PRKN: variants seen among roughly 807,000 people sequenced by gnomAD.
PRKN encodes the protein E3 ubiquitin-protein ligase parkin.
Under a neutral mutation model 59.5 loss-of-function variants are expected in PRKN, and 56 were observed. The ratio of observed to expected loss-of-function variants is 0.94; its 90% CI spans 0.76 to 1.18. The LOEUF is 1.18. Ranked by LOEUF, PRKN falls within the 50% of genes most tolerant of loss-of-function variation. The pLI, the probability that PRKN is intolerant of heterozygous loss-of-function variation, is 0.00. For synonymous variants in PRKN, 250 were observed against 222.1 expected (o/e 1.13, Z -1.12); for missense variants, 657 against 596.4 (o/e 1.10, Z -1.06).
intron 4 of PRKN, among the ~76,000 whole-genome samples, chr6:162,058,851 C>G: frequency 6.6e-6 from 1 of 151,026 alleles, no homozygotes; most frequent in East Asian, 2.0e-4. Context: ...ACTTGGGAGG[C>G]TGAGGGAGGA....
intron 6 of PRKN, among the ~76,000 whole-genome samples, chr6:161,839,222 A>C (rs752858061): frequency 7.2e-5 from 11 of 152,082 alleles, no homozygotes; most frequent in Non-Finnish European, 1.5e-4. Context: ...AGATGGAGAG[A>C]AAGGTGCCCC....
chr6:162,078,251 G>A (rs533431901), intron 4 of PRKN, among the ~76,000 whole-genome samples: 2 of 152,034 alleles, frequency 1.3e-5, no homozygotes, highest in Non-Finnish European at 2.9e-5. Flanking sequence ...CATGACTTTA[G>A]TGCATGGATA....
intron 9 of PRKN, among the ~76,000 whole-genome samples, chr6:161,522,259 CAA>C (rs1778855171): frequency 6.6e-6 from 1 of 152,154 alleles, no homozygotes; most frequent in African/African-American, 2.4e-5. Context: ...TGACTCCCCA[CAA>C]GAGACCGATG....
At chr6:162,136,668 A>G (rs1051692652) in intron 4 of PRKN, among the ~76,000 whole-genome samples, 6 of 152,206 alleles carry the variant, frequency 3.9e-5, no homozygotes, top group African/African-American at 1.4e-4. Flanking sequence ...ATTAAATGGT[A>G]GCCTTTGTTT....
intron 3 of PRKN, among the ~76,000 whole-genome samples, chr6:162,253,412 T>C (rs188303065): frequency 6.6e-6 from 1 of 152,306 alleles, no homozygotes; most frequent in East Asian, 1.9e-4. Flanking sequence ...GACATAACAT[T>C]TCTTCTTGGC....
chr6:162,153,653 T>C (rs750936731), intron 4 of PRKN, among the ~76,000 whole-genome samples: 8 of 152,062 alleles, frequency 5.3e-5, no homozygotes, highest in Admixed American at 2.0e-4. Context: ...GACAATTTTA[T>C]TGAGTGATGA....
chr6:161,997,777 G>A (rs1396420501), intron 5 of PRKN, among the ~76,000 whole-genome samples: 1 of 152,128 alleles, frequency 6.6e-6, no homozygotes, highest in Non-Finnish European at 1.5e-5. Flanking sequence ...ACTCAAGTTG[G>A]ACAGAGTTAT....
At chr6:162,298,627 CCCCCCAA>C (rs1358526807) in intron 2 of PRKN, among the ~76,000 whole-genome samples, 16 of 146,202 alleles carry the variant, frequency 1.1e-4, no homozygotes, top group African/African-American at 3.8e-4. Flanking sequence ...CCACCCCCCA[CCCCCCAA>C]CCCCATGAGG....
intron 7 of PRKN, among the ~76,000 whole-genome samples, chr6:161,664,892 G>A (rs994582496): frequency 1.3e-5 from 2 of 151,494 alleles, no homozygotes; most frequent in African/African-American, 2.4e-5. Flanking sequence ...AGGTTCAAGC[G>A]ATTCTTCTGC....
intron 4 of PRKN, among the ~76,000 whole-genome samples, chr6:162,064,222 A>G (rs1482884960): frequency 1.3e-5 from 2 of 152,202 alleles, no homozygotes; most frequent in Non-Finnish European, 2.9e-5. Flanking sequence ...AGATTAATCT[A>G]TGGTGATAAA....
chr6:162,455,188 G>A (rs527835108), intron 1 of PRKN, among the ~76,000 whole-genome samples: 1 of 152,020 alleles, frequency 6.6e-6, no homozygotes, highest in African/African-American at 2.4e-5. Context: ...TATCACCCAG[G>A]AGACAAACTG....
chr6:162,296,229 A>G (rs989037548), intron 2 of PRKN, among the ~76,000 whole-genome samples: 1 of 39,296 alleles, frequency 2.5e-5, no homozygotes, highest in African/African-American at 9.8e-5. Flanking sequence ...ACCCCCTTCT[A>G]TGCCCCCCAC....
chr6:161,840,972 T>G lies in PRKN; in HGVS notation c.735-55064A>C, dbSNP rs549896161. ...GAATGCTTATACACTGCTGATGGGA[T>G]TGTAAAAAAAGTTCAGCCACTGTGG... On this transcript the variant is annotated intron_variant, in intron 6 of 11. Transcript: ENST00000366898. 2.0e-3 allele frequency among the ~76,000 whole-genome samples: 310 copies of G among 152,022 alleles called. 1 individual carries two copies. The highest frequency in any genetic ancestry group is 0.017 in the Middle Eastern group (5 of 290).
At chr6:162,458,132 T>C (rs73035827) in intron 1 of PRKN, among the ~76,000 whole-genome samples, 8,644 of 139,676 alleles carry the variant, frequency 0.062, 523 homozygotes, top group East Asian at 0.11. Flanking sequence ...CACACACCTG[T>C]AATCCCCAGC....
intron 3 of PRKN, among the ~76,000 whole-genome samples, chr6:162,207,860 C>T (rs537380224): frequency 6.6e-6 from 1 of 152,186 alleles, no homozygotes; most frequent in Non-Finnish European, 1.5e-5. Context: ...TCAATAAATT[C>T]TCCCATATTT....
At chr6:162,548,439 T>C (rs753018703) in intron 1 of PRKN, among the ~76,000 whole-genome samples, 7 of 152,148 alleles carry the variant, frequency 4.6e-5, no homozygotes, top group Non-Finnish European at 7.4e-5. Context: ...GAGAAAATCA[T>C]GCCTCAACAT....
intron 4 of PRKN, among the ~76,000 whole-genome samples, chr6:162,123,853 C>T (rs1167408400): frequency 6.6e-6 from 1 of 152,108 alleles, no homozygotes; most frequent in Non-Finnish European, 1.5e-5. Flanking sequence ...GTATTCTATT[C>T]TCTAATGTTT....
At chr6:161,807,155 G>A (rs192233173) in intron 6 of PRKN, among the ~76,000 whole-genome samples, 1 of 152,248 alleles carries the variant, frequency 6.6e-6, no homozygotes, top group Non-Finnish European at 1.5e-5. Flanking sequence ...ATATGAGAAC[G>A]AGCAATATTC....
chr6:162,134,009 T>C (rs1227905385), intron 4 of PRKN, among the ~76,000 whole-genome samples: 1 of 152,212 alleles, frequency 6.6e-6, no homozygotes, highest in Non-Finnish European at 1.5e-5. Flanking sequence ...TACGAAATAA[T>C]GTAACTTGGG....
Sources: gnomAD v4.1 joint callset for allele counts (sites outside exome capture counted in the v4.1 genomes callset) on GRCh38, gnomAD v4.1.1 for gene constraint, MANE v1.5 for transcripts, NCBI Gene and HGNC (gene_info 2026-07-23, HGNC 2026-07-21) for gene names.